Variants in SLAMF9 observed in about 807,000 individuals in gnomAD.
SLAMF9 encodes SLAM family member 9.
In SLAMF9, 25 loss-of-function variants were observed where a neutral mutation model predicts 30.4. The ratio of observed to expected loss-of-function variants is 0.82; its 90% confidence interval spans 0.60 to 1.15. SLAMF9 has a LOEUF of 1.15. Ranked by LOEUF, SLAMF9 falls within the 50% of genes most tolerant of loss-of-function variation. SLAMF9 has a pLI of 0.00. For synonymous variants in SLAMF9, 129 were observed against 127.2 expected (o/e 1.01, Z -0.09); for missense variants, 344 against 346.1 (o/e 0.99, Z 0.05).
At chr1:159,964,268 C>A in the SLAMF9 span, among the ~76,000 whole-genome samples, 2 of 152,212 alleles carry the variant, frequency 1.3e-5, no homozygotes, top group Non-Finnish European at 2.9e-5. Flanking sequence ...CCAGTGATAT[C>A]TTTTGTTTCC....
the SLAMF9 span, among the ~76,000 whole-genome samples, chr1:159,981,668 C>T: frequency 6.6e-6 from 1 of 152,230 alleles, no homozygotes; most frequent in African/African-American, 2.4e-5. Context: ...GGTCTCCCTT[C>T]AAGAGAACCT....
intron 1 of SLAMF9, 141 bp downstream of exon 1, chr1:159,953,951 C>G: frequency 9.9e-7 from 1 of 1,010,080 alleles, no homozygotes; most frequent in Non-Finnish European, 1.5e-6. Context: ...TGCCCTGAAG[C>G]CACACACCCT....
chr1:159,982,326 C>T, the SLAMF9 span, among the ~76,000 whole-genome samples: 37 of 152,290 alleles, frequency 2.4e-4, no homozygotes, highest in Admixed American at 3.9e-4. Context: ...CTAGTCTAAA[C>T]GTCAATGCCG....
the SLAMF9 span, among the ~76,000 whole-genome samples, chr1:159,981,083 C>G: frequency 6.6e-6 from 1 of 152,186 alleles, no homozygotes; most frequent in African/African-American, 2.4e-5. Flanking sequence ...TGCTGCAGCC[C>G]TGACCCCCGT....
Position 159,954,183 on chromosome 1 carries a change from C to T in SLAMF9, c.-46G>A. On this transcript the variant is annotated 5_prime_UTR_variant, in exon 1 of 4. It introduces an in-frame stop codon into an upstream open reading frame of the 5' UTR. Transcript: ENST00000368093. ...GAGGTGTGATTCAGTCAGTCAGTCC[C>T]CAGGACTGTGCAGAAGACTGCATTA... is the stretch of plus-strand genomic sequence containing the variant. The T allele has an allele frequency of 6.2e-7, 1 of 1,609,290 alleles. No individual in the cohort carries two copies. The highest frequency in any genetic ancestry group is 8.5e-7 in the Non-Finnish European group (1 of 1,176,020).
the SLAMF9 span, chr1:159,972,799 C>T: frequency 2.5e-5 from 19 of 764,384 alleles, no homozygotes; most frequent in East Asian, 1.1e-4. Flanking sequence ...GCAGGGTCAG[C>T]GGGACCGTGG....
chr1:159,960,552 A>T, the SLAMF9 span, among the ~76,000 whole-genome samples: 1 of 142,480 alleles, frequency 7.0e-6, no homozygotes, highest in Admixed American at 7.3e-5. Flanking sequence ...TGCAACCTCC[A>T]CCTCCCAGGT....
chr1:159,975,287 G>A, the SLAMF9 span, among the ~76,000 whole-genome samples: 3 of 152,318 alleles, frequency 2.0e-5, no homozygotes, highest in Admixed American at 6.5e-5. Context: ...GACAGAGGGG[G>A]CACAGAGAGG....
At chr1:159,972,344 C>T in the SLAMF9 span, among the ~76,000 whole-genome samples, 1 of 152,236 alleles carries the variant, frequency 6.6e-6, no homozygotes, top group Non-Finnish European at 1.5e-5. Context: ...GGATCCACAA[C>T]TTCTGTGGTT....
At chr1:159,973,489 C>T in the SLAMF9 span, among the ~76,000 whole-genome samples, 1 of 152,172 alleles carries the variant, frequency 6.6e-6, no homozygotes, top group African/African-American at 2.4e-5. Context: ...TCTTGGAAGT[C>T]AGAGGCAGAG....
rs1651857823 is a variant in SLAMF9 at position 159,953,778 on chromosome 1, C to T, written c.47-125G>A. 3.5e-6 allele frequency: 3 copies of T among 851,006 alleles called. No homozygotes were observed. In the Admixed American group the frequency reaches 8.7e-5, roughly 25 times the overall value. 52.7% of individuals were successfully genotyped at this position (851,006 alleles called of 1,614,324 possible). A position where few individuals can be genotyped will look rare whatever the true frequency, so the allele number is the denominator to read the frequency against. ...GCTTCTATGACTCTCACACTAAATC[C>T]TGTTCTCCAGCTGCTGCTTCTGACT... On this transcript the variant is annotated intron_variant, in intron 1 of 3. Coordinates refer to ENST00000368093, the MANE Select transcript of SLAMF9 (RefSeq NM_033438.4).
At chr1:159,960,157 CCT>C in the SLAMF9 span, among the ~76,000 whole-genome samples, 14 of 118,334 alleles carry the variant, frequency 1.2e-4, no homozygotes, top group Non-Finnish European at 2.2e-4. Flanking sequence ...TAATGCTATC[CCT>C]CCCCCCTCCC....
the SLAMF9 span, chr1:159,983,766 C>G: frequency 6.6e-6 from 1 of 152,154 alleles, no homozygotes; most frequent in African/African-American, 2.4e-5. Flanking sequence ...GAGTGCTTCC[C>G]CTGGTCAGTG....
upstream of SLAMF9, among the ~76,000 whole-genome samples, chr1:159,956,092 A>T (rs1651917244): frequency 1.3e-5 from 2 of 152,214 alleles, no homozygotes; most frequent in South Asian, 4.1e-4. Context: ...CAACATATGG[A>T]ATCAACCTAA....
the SLAMF9 span, among the ~76,000 whole-genome samples, chr1:159,967,726 T>C: frequency 6.6e-6 from 1 of 152,230 alleles, no homozygotes; most frequent in Non-Finnish European, 1.5e-5. Flanking sequence ...ACTTTTCCAA[T>C]CCATGAACAT....
the SLAMF9 span, among the ~76,000 whole-genome samples, chr1:159,966,876 T>A: frequency 6.6e-6 from 1 of 152,232 alleles, no homozygotes; most frequent in Non-Finnish European, 1.5e-5. Flanking sequence ...CCTTATCAGA[T>A]GTATAGTTTG....
At chr1:159,974,367 T>C in the SLAMF9 span, among the ~76,000 whole-genome samples, 1 of 152,200 alleles carries the variant, frequency 6.6e-6, no homozygotes, top group African/African-American at 2.4e-5. Flanking sequence ...TTCTTCCCCA[T>C]TGACATATTT....
chr1:159,983,681 C>G, the SLAMF9 span: 1 of 152,228 alleles, frequency 6.6e-6, no homozygotes, highest in African/African-American at 2.4e-5. Flanking sequence ...ACTTAGAGAG[C>G]AATTAATCCT....
the SLAMF9 span, among the ~76,000 whole-genome samples, chr1:159,980,366 G>A: frequency 1.3e-5 from 2 of 151,928 alleles, no homozygotes; most frequent in African/African-American, 2.4e-5. Context: ...TGTACCTTTC[G>A]TTCCTTTACC....
Sources: gnomAD v4.1 joint callset for allele counts (sites outside exome capture counted in the v4.1 genomes callset) on GRCh38, gnomAD v4.1.1 for gene constraint, MANE v1.5 for transcripts, NCBI Gene and HGNC (gene_info 2026-07-23, HGNC 2026-07-21) for gene names.